Variants in BRSK2 observed in about 807,000 individuals in gnomAD.
BRSK2 encodes BR serine/threonine kinase 2.
In BRSK2, 19 loss-of-function variants were observed where a neutral mutation model predicts 83.3. The observed-to-expected ratio is 0.23, with a 90% CI of 0.16 to 0.33. The LOEUF (loss-of-function observed/expected upper bound fraction) is 0.33, where lower values mean the gene tolerates loss of function less well. Ranked by LOEUF, BRSK2 falls within the 10% of genes least tolerant of loss-of-function variation. BRSK2 has a pLI of 1.00. For missense variants in BRSK2, 798 were observed against 1,042.3 expected, an observed-to-expected ratio of 0.77 and a Z score of 3.23; for synonymous variants, 519 against 435.4, an observed-to-expected ratio of 1.19 and a Z score of -2.39.
intron 12 of BRSK2, among the ~76,000 whole-genome samples, chr11:1,447,290 C>A (rs913352187): frequency 1.3e-5 from 2 of 152,218 alleles, no homozygotes; most frequent in South Asian, 4.1e-4. Flanking sequence ...TGCGTGGCCA[C>A]CTCCCCGGAC....
intron 3 of BRSK2, among the ~76,000 whole-genome samples, chr11:1,439,423 G>A (rs1173656124): frequency 6.6e-6 from 1 of 151,988 alleles, no homozygotes; most frequent in South Asian, 2.1e-4. Flanking sequence ...GGGGGGCGGG[G>A]GTGGTCCTGG....
intron 12 of BRSK2, 72 bp from the exon 13 acceptor site, chr11:1,449,704 G>C: frequency 7.3e-7 from 1 of 1,369,728 alleles, no homozygotes; most frequent in South Asian, 1.3e-5. Context: ...TTACCTGGGG[G>C]GAGCAGAGCC....
chr11:1,405,284 C>T (rs1034817321), intron 1 of BRSK2, among the ~76,000 whole-genome samples: 1 of 152,112 alleles, frequency 6.6e-6, no homozygotes, highest in Non-Finnish European at 1.5e-5. Flanking sequence ...TCCTGGAGCC[C>T]TGCGTGCCAG....
intron 13 of BRSK2, among the ~76,000 whole-genome samples, chr11:1,450,039 TTTC>T (rs769354960): frequency 1.1e-4 from 17 of 152,260 alleles, no homozygotes; most frequent in Non-Finnish European, 1.9e-4. Flanking sequence ...TTTTGTTTGT[TTTC>T]TTGTGTGTCA....
chr11:1,411,215 G>A (rs1417599850), intron 1 of BRSK2: 1 of 1,252,224 alleles, frequency 8.0e-7, no homozygotes, highest in Non-Finnish European at 1.0e-6. Context: ...GGGAGAGCGG[G>A]TTCTGGACGT....
At chr11:1,436,862 TG>T (rs1850379462) in intron 2 of BRSK2, among the ~76,000 whole-genome samples, 1 of 151,662 alleles carries the variant, frequency 6.6e-6, no homozygotes, top group African/African-American at 2.4e-5. Context: ...ACGAGGCCAG[TG>T]GGAGTGGCCA....
At chr11:1,451,457 A>G (rs1845811332) in intron 15 of BRSK2, 38 bp downstream of exon 15, 1 of 1,605,968 alleles carries the variant, frequency 6.2e-7, no homozygotes, top group East Asian at 2.2e-5. Context: ...GGTACCTGAC[A>G]CCAGGCTGGC....
chr11:1,457,698 G>A (rs915559984), intron 18 of BRSK2, among the ~76,000 whole-genome samples: 31 of 152,256 alleles, frequency 2.0e-4, no homozygotes, highest in African/African-American at 7.2e-4. Context: ...GCATGCTAGG[G>A]TCACCTCCTG....
chr11:1,454,353 G>A lies in BRSK2; in HGVS notation c.1545-132G>A. ...GGGTCAGGGCCATGGGTTCTGGCTAGCACTGTGGAGACAGCCGTTTCTATC... is the reference window on the plus strand; with the variant it reads ...GGGTCAGGGCCATGGGTTCTGGCTAACACTGTGGAGACAGCCGTTTCTATC... On this transcript the variant is annotated intron_variant, in intron 15 of 19. Coordinates refer to ENST00000528841, the MANE Select transcript of BRSK2 (RefSeq NM_001256627.2). The surrounding 1 kb of genome is among the most constrained non-coding windows in gnomAD (Gnocchi z 5.2). The A allele has an allele frequency of 9.1e-7, 1 of 1,098,956 alleles. No homozygotes were observed. Among genetic ancestry groups the A allele is most frequent in the Non-Finnish European group, 1.3e-6 (1 of 745,214 alleles). The allele number at this position is 1,098,956 out of a possible 1,614,324, so 68.1% of individuals were successfully genotyped here. A position where few individuals can be genotyped will look rare whatever the true frequency, so the allele number is the denominator to read the frequency against.
chr11:1,411,638 G>C, intron 1 of BRSK2: 1 of 1,541,532 alleles, frequency 6.5e-7, no homozygotes, highest in South Asian at 1.2e-5. Flanking sequence ...CAGCAGGTGC[G>C]TGCCACGCTC....
intron 3 of BRSK2, among the ~76,000 whole-genome samples, chr11:1,440,420 G>A (rs1290411267): frequency 6.6e-6 from 1 of 152,086 alleles, no homozygotes; most frequent in East Asian, 1.9e-4. Context: ...AGAGCAGGCA[G>A]GGCAGAGTCC....
chr11:1,406,732 G>A (rs1370542444), intron 1 of BRSK2, among the ~76,000 whole-genome samples: 1 of 152,228 alleles, frequency 6.6e-6, no homozygotes, highest in Non-Finnish European at 1.5e-5. Context: ...TGGAGGGTGC[G>A]GGGGTGGGCC....
At chr11:1,453,732 C>CCG (rs1175203398) in intron 15 of BRSK2, 1 of 29,908 alleles carries the variant, frequency 3.3e-5, no homozygotes, top group Non-Finnish European at 9.6e-5. Context: ...CACCACTGAG[C>CCG]CCCAGCCCTG....
chr11:1,391,159 A>G (rs972337360), intron 1 of BRSK2, among the ~76,000 whole-genome samples: 5 of 151,686 alleles, frequency 3.3e-5, no homozygotes, highest in African/African-American at 7.3e-5. Context: ...CATGTGGCCA[A>G]CTCTCCCCGG....
intron 1 of BRSK2, among the ~76,000 whole-genome samples, chr11:1,428,348 G>T (rs1176919180): frequency 6.6e-6 from 1 of 152,196 alleles, no homozygotes; most frequent in Non-Finnish European, 1.5e-5. Context: ...ACCCCCAGTG[G>T]CTCCATCCCC....
intron 1 of BRSK2, among the ~76,000 whole-genome samples, chr11:1,394,410 C>A (rs1419878451): frequency 3.6e-5 from 2 of 55,112 alleles, no homozygotes; most frequent in South Asian, 1.0e-3. Flanking sequence ...AGATGGGCCC[C>A]TGGAGATGGG....
At position 1,462,552 on chromosome 11, in the gene BRSK2, C is replaced by G. The variant is rs1847616264; in HGVS notation, c.*1829C>G. On this transcript the variant is annotated 3_prime_UTR_variant, in exon 20 of 20. Coordinates refer to ENST00000528841, the MANE Select transcript of BRSK2 (RefSeq NM_001256627.2). ...AGGACACGAAGCAAACTGCCTCTTGCTTGCCTTCCCCTTTTGTGCTTCGGA... is the reference window on the plus strand; with the variant it reads ...AGGACACGAAGCAAACTGCCTCTTGGTTGCCTTCCCCTTTTGTGCTTCGGA... 6.6e-6 allele frequency: 1 copy of G among 152,294 alleles called. No homozygotes were observed. The highest frequency in any genetic ancestry group is 2.4e-5 in the African/African-American group (1 of 41,468). 9.4% of individuals were successfully genotyped at this position (152,294 alleles called of 1,614,324 possible). A position where few individuals can be genotyped will look rare whatever the true frequency, so the allele number is the denominator to read the frequency against.
chr11:1,410,791 T>C (rs1324085856), intron 1 of BRSK2: 21 of 984,978 alleles, frequency 2.1e-5, no homozygotes, highest in Non-Finnish European at 2.4e-5. Flanking sequence ...AGGCCACAGG[T>C]GGCCCCCCCG....
chr11:1,424,225 T>G (rs1256553645), intron 1 of BRSK2, among the ~76,000 whole-genome samples: 6 of 152,198 alleles, frequency 3.9e-5, no homozygotes, highest in Non-Finnish European at 7.4e-5. Flanking sequence ...GCCCCACCAT[T>G]CCCCTGGAGT....
Sources: allele counts gnomAD v4.1 joint callset (sites outside exome capture counted in the v4.1 genomes callset), GRCh38; gene constraint gnomAD v4.1.1; non-coding constraint Gnocchi (gnomAD v3.1); transcripts MANE v1.5; gene names NCBI Gene and HGNC (gene_info 2026-07-23, HGNC 2026-07-21).